Variants in SLC24A4 observed in about 807,000 individuals in gnomAD.
The protein encoded by SLC24A4 is sodium/potassium/calcium exchanger 4.
A neutral mutation model predicts 79.0 loss-of-function variants in SLC24A4; 53 were observed. The observed-to-expected ratio is 0.67, with a 90% CI of 0.54 to 0.84. The LOEUF is 0.84. Among genes scored for constraint, SLC24A4 ranks in the 40% least tolerant of loss-of-function variants. SLC24A4 has a pLI of 0.00. For synonymous variants in SLC24A4, 323 were observed against 323.8 expected, an observed-to-expected ratio of 1.00 and a Z score of 0.03; for missense variants, 731 against 822.0, an observed-to-expected ratio of 0.89 and a Z score of 1.35.
chr14:92,353,117 G>A lies in SLC24A4; in HGVS notation c.241+27139G>A, dbSNP rs992854739. Among the ~76,000 whole-genome samples, 9 of 152,136 alleles carry A rather than the reference G, an allele frequency of 5.9e-5. No homozygotes were observed. The highest frequency in any genetic ancestry group is 2.2e-4 in the African/African-American group (9 of 41,414). ...CAGCTGCCCAAACCCCCTCCTCAAA[G>A]GCAACCCTTTAGCAGTTTGTGCATG... On this transcript the variant is annotated intron_variant, in intron 2 of 16. Coordinates refer to ENST00000532405, the MANE Select transcript of SLC24A4 (RefSeq NM_153646.4). The surrounding 1 kb of genome is among the most constrained non-coding windows in gnomAD (Gnocchi z 4.1).
chr14:92,353,931 G>A lies in SLC24A4; in HGVS notation c.241+27953G>A, dbSNP rs1236653206. Among the ~76,000 whole-genome samples, 2 of 152,222 alleles carry A rather than the reference G, an allele frequency of 1.3e-5. No individual in the cohort carries two copies. Among genetic ancestry groups the A allele is most frequent in the Non-Finnish European group, 2.9e-5 (2 of 68,036 alleles). On this transcript the variant is annotated intron_variant, in intron 2 of 16. Coordinates refer to ENST00000532405, the MANE Select transcript of SLC24A4 (RefSeq NM_153646.4). This position sits in a 1 kb window ranked among gnomAD's most constrained non-coding sequence, Gnocchi z 4.1. Reference sequence around the variant, plus strand: ...CCCACACGGCCGGCCCAGAGAGCAGGAGAGTTGATGGGCTGACCCCGTGCT... The same window carrying A: ...CCCACACGGCCGGCCCAGAGAGCAGAAGAGTTGATGGGCTGACCCCGTGCT...
chr14:92,491,564 A>G (rs367585937), intron 14 of SLC24A4, 101 bp from the exon 15 acceptor site: 15 of 811,028 alleles, frequency 1.8e-5, no homozygotes, highest in Middle Eastern at 2.4e-4. Context: ...TGCAGAAGGA[A>G]TTGCTTTCCA....
At chr14:92,324,375 C>T (rs1299980728) in intron 1 of SLC24A4, among the ~76,000 whole-genome samples, 1 of 152,226 alleles carries the variant, frequency 6.6e-6, no homozygotes, top group Non-Finnish European at 1.5e-5. Flanking sequence ...CTCGCCCCTG[C>T]CCTGGTTCAA....
At chr14:92,450,043 T>A (rs1028604377) in intron 10 of SLC24A4, among the ~76,000 whole-genome samples, 8 of 152,246 alleles carry the variant, frequency 5.3e-5, no homozygotes, top group African/African-American at 1.9e-4. Context: ...GAGCAGGGGC[T>A]GGTTCTTGCA....
intron 2 of SLC24A4, among the ~76,000 whole-genome samples, chr14:92,386,646 C>T (rs1486027703): frequency 6.6e-6 from 1 of 152,174 alleles, no homozygotes; most frequent in African/African-American, 2.4e-5. Flanking sequence ...CCCTAAAAGG[C>T]AGTTAAACCA....
intron 2 of SLC24A4, among the ~76,000 whole-genome samples, chr14:92,417,371 T>A (rs907994918): frequency 1.3e-4 from 20 of 152,302 alleles, no homozygotes; most frequent in East Asian, 7.7e-4. Context: ...GCTTATAGAA[T>A]AAGAACATAA....
intron 2 of SLC24A4, among the ~76,000 whole-genome samples, chr14:92,339,502 CAG>C (rs1301989380): frequency 2.0e-5 from 3 of 152,158 alleles, no homozygotes; most frequent in African/African-American, 7.2e-5. Flanking sequence ...GAGTAAGGCA[CAG>C]AGAGGTTCAA....
chr14:92,354,159 T>C (rs1055119068), intron 2 of SLC24A4, among the ~76,000 whole-genome samples: 6 of 151,132 alleles, frequency 4.0e-5, no homozygotes, highest in Non-Finnish European at 5.9e-5. Context: ...CATATTATTT[T>C]ACTGACTACT....
chr14:92,329,768 A>T (rs545299189), intron 2 of SLC24A4, among the ~76,000 whole-genome samples: 1 of 152,338 alleles, frequency 6.6e-6, no homozygotes, highest in Non-Finnish European at 1.5e-5. Context: ...CGGCCTCCCA[A>T]AGTGCCAGGA....
At chr14:92,421,528 GAC>G (rs368986019) in intron 2 of SLC24A4, among the ~76,000 whole-genome samples, 145 of 151,818 alleles carry the variant, frequency 9.6e-4, no homozygotes, top group African/African-American at 3.2e-3. Context: ...GTTTTTTTGA[GAC>G]ACAGTTTTAC....
chr14:92,357,678 C>T (rs544353556), intron 2 of SLC24A4, among the ~76,000 whole-genome samples: 1 of 152,234 alleles, frequency 6.6e-6, no homozygotes, highest in East Asian at 1.9e-4. Flanking sequence ...ATGGTGGTTG[C>T]CAGGGACTGG....
At chr14:92,383,495 G>A (rs1029441602) in intron 2 of SLC24A4, among the ~76,000 whole-genome samples, 2 of 152,160 alleles carry the variant, frequency 1.3e-5, no homozygotes, top group Admixed American at 6.5e-5. Context: ...GAGGTGCAGC[G>A]GGACCTCCCC....
intron 12 of SLC24A4, among the ~76,000 whole-genome samples, chr14:92,474,370 G>T (rs952597167): frequency 1.3e-5 from 2 of 152,142 alleles, no homozygotes; most frequent in Non-Finnish European, 2.9e-5. Flanking sequence ...AATCCAGCAG[G>T]CCCCTGCCTG....
At chr14:92,477,657 G>A (rs1370238432) in intron 12 of SLC24A4, among the ~76,000 whole-genome samples, 2 of 152,104 alleles carry the variant, frequency 1.3e-5, no homozygotes, top group African/African-American at 4.8e-5. Context: ...GTCTCACTAT[G>A]TTGCCCAGGC....
intron 2 of SLC24A4, among the ~76,000 whole-genome samples, chr14:92,385,338 C>T (rs978441632): frequency 1.8e-4 from 28 of 152,054 alleles, no homozygotes; most frequent in Non-Finnish European, 7.4e-5. Context: ...AACCCTGTCC[C>T]TACTAAAAAT....
intron 7 of SLC24A4, 22 bp downstream of exon 7, chr14:92,443,496 A>G (rs771947029): frequency 2.5e-6 from 4 of 1,613,456 alleles, no homozygotes; most frequent in East Asian, 2.2e-5. Flanking sequence ...CTCTGCCCCC[A>G]AGGTCAGGTT....
rs1338780170 is a variant in SLC24A4 at position 92,395,515 on chromosome 14, A to G, written c.242-38397A>G. On this transcript the variant is annotated intron_variant, in intron 2 of 16. Transcript: ENST00000532405. Reference sequence around the variant, plus strand: ...AGTTTTATGGGCAAATTATGTACCTAAGGCTAGCTCCAAAAACTTCATTTG... The same window carrying G: ...AGTTTTATGGGCAAATTATGTACCTGAGGCTAGCTCCAAAAACTTCATTTG... 4.6e-5 allele frequency among the ~76,000 whole-genome samples: 7 copies of G among 152,096 alleles called. No homozygotes were observed. In the East Asian group the frequency reaches 7.7e-4, roughly 17 times the overall value.
chr14:92,365,584 C>T (rs1428542230), intron 2 of SLC24A4, among the ~76,000 whole-genome samples: 1 of 152,192 alleles, frequency 6.6e-6, no homozygotes, highest in East Asian at 1.9e-4. Context: ...CTGTGGGGAC[C>T]CATGGTGGCT....
intron 2 of SLC24A4, among the ~76,000 whole-genome samples, chr14:92,377,821 A>C (rs941007388): frequency 6.6e-6 from 1 of 152,130 alleles, no homozygotes; most frequent in Admixed American, 6.5e-5. Context: ...AGATCTGTGG[A>C]AGAGGCAGCA....
Sources: allele counts gnomAD v4.1 joint callset (sites outside exome capture counted in the v4.1 genomes callset), GRCh38; gene constraint gnomAD v4.1.1; non-coding constraint Gnocchi (gnomAD v3.1); transcripts MANE v1.5; gene names NCBI Gene and HGNC (gene_info 2026-07-23, HGNC 2026-07-21).